PCBP3: variants seen among roughly 807,000 people sequenced by gnomAD.
PCBP3 encodes the protein poly(rC) binding protein 3.
Under a neutral mutation model 52.7 loss-of-function variants are expected in PCBP3, and 25 were observed. The observed-to-expected ratio is 0.47, with a 90% CI of 0.35 to 0.66. The LOEUF (loss-of-function observed/expected upper bound fraction) is 0.66. PCBP3 is among the 30% of genes least tolerant of loss of function. The pLI, the probability that PCBP3 is intolerant of heterozygous loss-of-function variation, is 0.01. For missense variants in PCBP3, 391 were observed against 490.3 expected, an observed-to-expected ratio of 0.80 and a Z score of 1.91; for synonymous variants, 162 against 183.0, an observed-to-expected ratio of 0.89 and a Z score of 0.93.
intron 4 of PCBP3, among the ~76,000 whole-genome samples, chr21:45,835,204 G>A (rs1344677512): frequency 6.6e-6 from 1 of 152,148 alleles, no homozygotes. Context: ...TCTGCCCTGG[G>A]CCCCGGGGGC....
chr21:45,884,637 T>G (rs1357323879), intron 5 of PCBP3, among the ~76,000 whole-genome samples: 1 of 152,126 alleles, frequency 6.6e-6, no homozygotes, highest in African/African-American at 2.4e-5. Context: ...CATGGCTCAC[T>G]GCAGCCTCGA....
intron 5 of PCBP3, among the ~76,000 whole-genome samples, chr21:45,875,339 C>T (rs2095221004): frequency 6.6e-6 from 1 of 152,230 alleles, no homozygotes; most frequent in South Asian, 2.1e-4. Context: ...GCAGCTGTTC[C>T]AGGTTGCCAC....
chr21:45,899,414 G>A (rs1357660939), intron 6 of PCBP3, among the ~76,000 whole-genome samples, 185 bp from the exon 7 acceptor site: 1 of 152,088 alleles, frequency 6.6e-6, no homozygotes, highest in East Asian at 1.9e-4. Context: ...TGTATGGGCA[G>A]CCTGGCTTGT....
intron 2 of PCBP3, among the ~76,000 whole-genome samples, chr21:45,688,065 CA>C (rs2082255916): frequency 6.6e-6 from 1 of 151,968 alleles, no homozygotes; most frequent in African/African-American, 2.4e-5. Flanking sequence ...ATCAGTTTAT[CA>C]AAAAATATAA....
intron 5 of PCBP3, among the ~76,000 whole-genome samples, chr21:45,855,719 G>A (rs17351433): frequency 0.14 from 21,068 of 152,104 alleles, 1,631 homozygotes; most frequent in Middle Eastern, 0.28. Context: ...CCTTCTGCCC[G>A]GGATCCAAGT....
At chr21:45,824,569 TTCCGCAACAGCG>T (rs1289151419) in intron 4 of PCBP3, among the ~76,000 whole-genome samples, 1 of 152,238 alleles carries the variant, frequency 6.6e-6, no homozygotes, top group Admixed American at 6.5e-5. Context: ...AAATCTCTGC[TTCCGCAACAGCG>T]GTGAGCTCTC....
chr21:45,676,938 A>AT (rs2081505766), intron 2 of PCBP3, among the ~76,000 whole-genome samples: 1 of 151,664 alleles, frequency 6.6e-6, no homozygotes, highest in Non-Finnish European at 1.5e-5. Flanking sequence ...TGCCTAGCTA[A>AT]TTTTTTGTAT....
chr21:45,746,214 C>T (rs1243345012), intron 3 of PCBP3, among the ~76,000 whole-genome samples: 1 of 119,568 alleles, frequency 8.4e-6, no homozygotes, highest in Non-Finnish European at 1.7e-5. Flanking sequence ...ATTGACGTAG[C>T]GCACACGGTG....
At chr21:45,922,631 A>G (rs1046437258) in intron 13 of PCBP3, among the ~76,000 whole-genome samples, 2 of 152,250 alleles carry the variant, frequency 1.3e-5, no homozygotes, top group African/African-American at 4.8e-5. Context: ...TCCCTTACTT[A>G]ACGTCCCCAT....
At chr21:45,877,998 A>G (rs1368370420) in intron 5 of PCBP3, among the ~76,000 whole-genome samples, 2 of 152,202 alleles carry the variant, frequency 1.3e-5, no homozygotes, top group African/African-American at 4.8e-5. Flanking sequence ...CCCTTGCCAC[A>G]TGGCCTGGAC....
intron 5 of PCBP3, among the ~76,000 whole-genome samples, chr21:45,879,889 G>GA (rs2095359583): frequency 6.6e-6 from 1 of 151,780 alleles, no homozygotes; most frequent in Non-Finnish European, 1.5e-5. Flanking sequence ...TCCACTTGAA[G>GA]AAACTTTAAA....
chr21:45,874,917 A>T (rs532770732), intron 5 of PCBP3, among the ~76,000 whole-genome samples: 37 of 152,096 alleles, frequency 2.4e-4, no homozygotes, highest in African/African-American at 8.4e-4. Context: ...GTGGCCCTAG[A>T]CTCACGAGAG....
intron 2 of PCBP3, among the ~76,000 whole-genome samples, chr21:45,734,303 T>C (rs575017945): frequency 3.3e-5 from 5 of 152,292 alleles, no homozygotes; most frequent in East Asian, 1.9e-4. Context: ...TTTCTTTTCA[T>C]TGGTTCTTCC....
chr21:45,882,867 C>T (rs1207405093), intron 5 of PCBP3, among the ~76,000 whole-genome samples: 1 of 152,180 alleles, frequency 6.6e-6, no homozygotes. Flanking sequence ...CTCCGCTCTC[C>T]TCCACCGGCC....
chr21:45,887,003 C>G (rs1209354168), intron 5 of PCBP3, among the ~76,000 whole-genome samples: 1 of 152,214 alleles, frequency 6.6e-6, no homozygotes, highest in Non-Finnish European at 1.5e-5. Context: ...CTCAACATTT[C>G]CAGCCTCACT....
intron 2 of PCBP3, among the ~76,000 whole-genome samples, chr21:45,715,401 G>A (rs1038870515): frequency 3.3e-5 from 5 of 152,128 alleles, no homozygotes; most frequent in Non-Finnish European, 7.4e-5. Flanking sequence ...CCATTAAAGC[G>A]TACAAGTGAG....
At chr21:45,839,789 C>G (rs900114391) in intron 4 of PCBP3, among the ~76,000 whole-genome samples, 3 of 152,106 alleles carry the variant, frequency 2.0e-5, no homozygotes, top group Non-Finnish European at 2.9e-5. Flanking sequence ...CAGGTTCAAG[C>G]AGTTCTCCTG....
At chr21:45,882,140 C>G (rs1290424211) in intron 5 of PCBP3, among the ~76,000 whole-genome samples, 2 of 152,160 alleles carry the variant, frequency 1.3e-5, no homozygotes, top group East Asian at 3.8e-4. Flanking sequence ...ACTAAGTTTC[C>G]CATCAGCACT....
chr21:45,825,563 G>A (rs1222347417), intron 4 of PCBP3, among the ~76,000 whole-genome samples: 8 of 152,196 alleles, frequency 5.3e-5, no homozygotes, highest in Admixed American at 3.3e-4. Context: ...CCAGTTGGCA[G>A]ATCAGTGTCA....
Sources: gnomAD v4.1 joint callset for allele counts (sites outside exome capture counted in the v4.1 genomes callset) on GRCh38, gnomAD v4.1.1 for gene constraint, MANE v1.5 for transcripts, NCBI Gene and HGNC (gene_info 2026-07-23, HGNC 2026-07-21) for gene names.